The following PDE4D variants were observed in gnomAD, a reference collection of about 807,000 sequenced individuals.
PDE4D encodes the protein 3',5'-cyclic-AMP phosphodiesterase 4D.
Under a neutral mutation model 87.4 loss-of-function variants are expected in PDE4D, and 24 were observed. The observed-to-expected ratio is 0.27, with a 90% confidence interval of 0.20 to 0.39. The LOEUF is 0.39. Ranked by LOEUF, PDE4D falls within the 10% of genes least tolerant of loss-of-function variation. The probability of loss-of-function intolerance (pLI) is 1.00; values close to 1 mark genes in which losing one functional copy is unlikely to be tolerated. For missense variants in PDE4D, 714 were observed against 1,041.0 expected, an observed-to-expected ratio of 0.69 and a Z score of 4.32; for synonymous variants, 384 against 383.2, an observed-to-expected ratio of 1.00 and a Z score of -0.02.
intron 6 of PDE4D, among the ~76,000 whole-genome samples, chr5:59,020,644 C>G (rs1754974321): frequency 6.6e-6 from 1 of 151,658 alleles, no homozygotes; most frequent in Non-Finnish European, 1.5e-5. Flanking sequence ...TCTCACAAAT[C>G]TCTTTCTAAG....
At chr5:59,436,630 A>G (rs1796830611) in intron 1 of PDE4D, among the ~76,000 whole-genome samples, 1 of 152,182 alleles carries the variant, frequency 6.6e-6, no homozygotes, top group Non-Finnish European at 1.5e-5. Context: ...AGGCCCACTT[A>G]ATTTTATAAC....
intron 3 of PDE4D, among the ~76,000 whole-genome samples, chr5:59,975,124 C>T (rs1761174680): frequency 6.6e-6 from 1 of 152,200 alleles, no homozygotes; most frequent in South Asian, 2.1e-4. Context: ...AACTCTACTT[C>T]CTTGTCTCTG....
intron 6 of PDE4D, chr5:58,999,900 C>A (rs760048056): frequency 3.0e-6 from 3 of 986,080 alleles, no homozygotes; most frequent in South Asian, 4.7e-5. Context: ...GCAAGAAAGG[C>A]TAGTCCTGTC....
At chr5:59,101,415 ACT>A (rs1770716086) in intron 5 of PDE4D, among the ~76,000 whole-genome samples, 2 of 152,176 alleles carry the variant, frequency 1.3e-5, no homozygotes, top group South Asian at 4.2e-4. Context: ...ATTTTGTCAC[ACT>A]CTTTCTCCAA....
At chr5:59,117,495 T>C (rs1382543504) in intron 5 of PDE4D, among the ~76,000 whole-genome samples, 2 of 152,026 alleles carry the variant, frequency 1.3e-5, no homozygotes, top group African/African-American at 4.8e-5. Flanking sequence ...GAGTGTTTGT[T>C]CCTTTTTATT....
intron 1 of PDE4D, among the ~76,000 whole-genome samples, chr5:59,852,971 G>C (rs1744903705): frequency 2.0e-5 from 3 of 152,020 alleles, no homozygotes; most frequent in Admixed American, 2.0e-4. Flanking sequence ...TTTGACAACT[G>C]GACCAGATGA....
At chr5:60,418,495 G>GA (rs1742813273) in intron 1 of PDE4D, among the ~76,000 whole-genome samples, 1 of 151,588 alleles carries the variant, frequency 6.6e-6, no homozygotes, top group South Asian at 2.1e-4. Context: ...TATCTTATTT[G>GA]TTTTTTTGTT....
intron 3 of PDE4D, among the ~76,000 whole-genome samples, chr5:59,979,234 GGA>G (rs1163712698): frequency 6.6e-6 from 1 of 151,752 alleles, no homozygotes; most frequent in Admixed American, 6.6e-5. Context: ...GAGTAAAGAG[GGA>G]GACCACCCTT....
intron 1 of PDE4D, among the ~76,000 whole-genome samples, chr5:59,750,085 T>C (rs1289930258): frequency 2.6e-4 from 6 of 23,286 alleles, no homozygotes; most frequent in South Asian, 3.6e-3. Context: ...AATTATGACC[T>C]TTTTTTTTTT....
intron 6 of PDE4D, among the ~76,000 whole-genome samples, chr5:59,029,659 T>C (rs1181886496): frequency 1.5e-5 from 1 of 65,380 alleles, no homozygotes; most frequent in Non-Finnish European, 3.1e-5. Flanking sequence ...AATTCCAATG[T>C]CTTTTTTTTT....
chr5:59,940,501 T>C (rs147236707), intron 3 of PDE4D, among the ~76,000 whole-genome samples: 1 of 152,180 alleles, frequency 6.6e-6, no homozygotes, highest in Admixed American at 6.5e-5. Flanking sequence ...TGGTTTTCAA[T>C]ATGATGGGGT....
chr5:59,007,476 C>G (rs574017625), intron 6 of PDE4D, among the ~76,000 whole-genome samples: 1 of 152,050 alleles, frequency 6.6e-6, no homozygotes, highest in African/African-American at 2.4e-5. Context: ...CTTTCAAATG[C>G]CTTAAAAATA....
chr5:59,713,891 GCA>G (rs1465400859), intron 1 of PDE4D, among the ~76,000 whole-genome samples: 2 of 152,212 alleles, frequency 1.3e-5, no homozygotes, highest in Non-Finnish European at 2.9e-5. Flanking sequence ...GGCCTTTTGG[GCA>G]CAGGCAGGGT....
At chr5:60,193,042 AG>A (rs893533399) in intron 1 of PDE4D, among the ~76,000 whole-genome samples, 1 of 152,212 alleles carries the variant, frequency 6.6e-6, no homozygotes, top group Non-Finnish European at 1.5e-5. Flanking sequence ...GTTGGAAAAC[AG>A]ATGGCTAAAA....
chr5:59,253,827 A>T (rs1022256685), intron 1 of PDE4D, among the ~76,000 whole-genome samples: 1 of 152,140 alleles, frequency 6.6e-6, no homozygotes, highest in Non-Finnish European at 1.5e-5. Flanking sequence ...CCTAGAAGGA[A>T]TCATCACTCA....
At chr5:59,083,241 CT>C (rs58611906) in intron 5 of PDE4D, among the ~76,000 whole-genome samples, 2,583 of 150,916 alleles carry the variant, frequency 0.017, 64 homozygotes, top group African/African-American at 0.05. Flanking sequence ...TTGAAAGATC[CT>C]TTTTTTTTGT....
chr5:59,450,574 T>C (rs1474221754), intron 1 of PDE4D, among the ~76,000 whole-genome samples: 4 of 152,138 alleles, frequency 2.6e-5, no homozygotes, highest in African/African-American at 7.2e-5. Flanking sequence ...CTAACAACTA[T>C]TAATCAAATC....
At chr5:59,403,536 C>G (rs1791069788) in intron 1 of PDE4D, among the ~76,000 whole-genome samples, 1 of 152,160 alleles carries the variant, frequency 6.6e-6, no homozygotes, top group East Asian at 1.9e-4. Flanking sequence ...TTCCAGCTCC[C>G]TTAAATAGTG....
intron 5 of PDE4D, chr5:59,039,296 C>T (rs1292928220): frequency 2.8e-6 from 3 of 1,066,746 alleles, no homozygotes; most frequent in African/African-American, 1.7e-5. Context: ...AACTGTGCGG[C>T]GGGCCCGAGT....
Sources: allele counts gnomAD v4.1 joint callset (sites outside exome capture counted in the v4.1 genomes callset), GRCh38; gene constraint gnomAD v4.1.1; transcripts MANE v1.5; gene names NCBI Gene and HGNC (gene_info 2026-07-23, HGNC 2026-07-21).